The following SCLT1 variants were observed in gnomAD, a reference collection of about 807,000 sequenced individuals.
The protein encoded by SCLT1 is sodium channel-associated protein 1.
SCLT1 carries 78 observed loss-of-function variants against 112.8 expected under a neutral mutation model. That is an observed-to-expected ratio of 0.69 (90% CI 0.58 to 0.83). The LOEUF is 0.83. Ranked by LOEUF, SCLT1 falls within the 40% of genes least tolerant of loss-of-function variation. The pLI, the probability that SCLT1 is intolerant of heterozygous loss-of-function variation, is 0.00. For missense variants in SCLT1, 747 were observed against 770.4 expected, an observed-to-expected ratio of 0.97 and a Z score of 0.36; for synonymous variants, 257 against 254.7, an observed-to-expected ratio of 1.01 and a Z score of -0.09.
intron 5 of SCLT1, among the ~76,000 whole-genome samples, chr4:129,019,687 A>C (rs990859249): frequency 6.6e-6 from 1 of 151,802 alleles, no homozygotes; most frequent in Non-Finnish European, 1.5e-5. Flanking sequence ...ACCATTCTAG[A>C]CAACTGGCTG....
At position 129,029,489 on chromosome 4, in the gene SCLT1, G is replaced by T. The variant is rs182673955; in HGVS notation, c.290+9552C>A. Among the ~76,000 whole-genome samples the T allele has an allele frequency of 4.8e-3, 720 of 150,324 alleles. 6 individuals are homozygous for T. Among genetic ancestry groups the T allele is most frequent in the African/African-American group, 0.017 (681 of 40,718 alleles). On this transcript the variant is annotated intron_variant, in intron 5 of 20. Coordinates refer to ENST00000281142, the MANE Select transcript of SCLT1 (RefSeq NM_144643.4). ...GGGAATTGAACAATGAGAACACATG[G>T]ACACAGGAAGGGGACCATCACACAC...
At chr4:129,019,997 C>T (rs1020274306) in intron 5 of SCLT1, among the ~76,000 whole-genome samples, 11 of 152,076 alleles carry the variant, frequency 7.2e-5, no homozygotes, top group African/African-American at 9.7e-5. Context: ...TGCAGGAAAA[C>T]GTCAATTCCT....
chr4:129,033,392 C>A (rs554370745), intron 5 of SCLT1, among the ~76,000 whole-genome samples: 2 of 148,920 alleles, frequency 1.3e-5, no homozygotes, highest in South Asian at 2.1e-4. Flanking sequence ...CTAATGCATG[C>A]GGGGCTTAAA....
chr4:129,093,425 G>C lies in SCLT1; in HGVS notation c.-322C>G, dbSNP rs748277468. 3.0e-5 allele frequency: 10 copies of C among 335,088 alleles called. No homozygotes were observed. Among genetic ancestry groups the C allele is most frequent in the African/African-American group, 6.3e-5 (3 of 47,626 alleles). The allele number at this position is 335,088 out of a possible 1,614,324, so 20.8% of individuals were successfully genotyped here. ...CTCTGGGTCTCGTCGGGCCACCTAG[G>C]AGAGTGCCGCGGGAGCTTGACGGCA... On this transcript the variant is annotated 5_prime_UTR_variant, in exon 1 of 21. Coordinates refer to ENST00000281142, the MANE Select transcript of SCLT1 (RefSeq NM_144643.4).
At chr4:129,087,252 A>G (rs1201060495) in intron 1 of SCLT1, among the ~76,000 whole-genome samples, 2 of 152,226 alleles carry the variant, frequency 1.3e-5, no homozygotes, top group Non-Finnish European at 2.9e-5. Flanking sequence ...AATACAGAGT[A>G]CTGAATAGCT....
At chr4:128,880,149 G>T (rs1003722927), downstream of SCLT1, among the ~76,000 whole-genome samples, 1 of 152,128 alleles carries the variant, frequency 6.6e-6, no homozygotes, top group Admixed American at 6.5e-5. Context: ...CAGAAGGCTG[G>T]ATTTTTCTTG....
chr4:128,956,726 G>C (rs1459952624), intron 13 of SCLT1, among the ~76,000 whole-genome samples: 1 of 151,894 alleles, frequency 6.6e-6, no homozygotes, highest in African/African-American at 2.4e-5. Flanking sequence ...AGTTCACCTA[G>C]GAGAGAAATA....
chr4:129,058,357 A>G (rs1367270983), intron 2 of SCLT1, among the ~76,000 whole-genome samples: 1 of 151,842 alleles, frequency 6.6e-6, no homozygotes, highest in Non-Finnish European at 1.5e-5. Context: ...GTAGGCATTT[A>G]TTGTTATAAA....
chr4:129,026,629 T>C (rs377373245), intron 5 of SCLT1, among the ~76,000 whole-genome samples: 2,831 of 151,814 alleles, frequency 0.019, 81 homozygotes, highest in African/African-American at 0.057. Context: ...CCTAACATCA[T>C]AATTAAAAGA....
intron 5 of SCLT1, among the ~76,000 whole-genome samples, chr4:129,023,000 T>G (rs1745631577): frequency 6.6e-6 from 1 of 152,100 alleles, no homozygotes; most frequent in African/African-American, 2.4e-5. Context: ...TCCAACAATC[T>G]TAAAGAGAAT....
Position 128,952,828 on chromosome 4 carries a change from T to C in SCLT1, c.1159A>G (p.Lys387Glu). 6.4e-7 allele frequency: 1 copy of C among 1,551,804 alleles called. No homozygotes were observed. Among genetic ancestry groups the C allele is most frequent in the Non-Finnish European group, 8.9e-7 (1 of 1,123,400 alleles). The change falls in exon 14 of 21, where the codon AAA (lysine) becomes GAA (glutamate). Residue 387 changes from lysine (K) to glutamate (E), a missense_variant. Physicochemically the swap from Lys to Glu is moderately conservative, Grantham distance 56. This residue lies in a region of SCLT1 where 723 missense variants were observed against 721.3 expected (regional missense o/e 1.00). Transcript: ENST00000281142. ...GAAATTTGTATATTACATTGTTTTT[T>C]GGTGTTTGCAACCTGTAAATTAAGA... is the stretch of plus-strand genomic sequence containing the variant. ...IRTKKEVANTKKQCNIQISRL... is the reference protein window; with the variant it reads ...IRTKKEVANTEKQCNIQISRL...
chr4:128,959,527 C>A (rs1739502159), intron 12 of SCLT1, 73 bp downstream of exon 12: 1 of 1,059,586 alleles, frequency 9.4e-7, no homozygotes, highest in Non-Finnish European at 1.4e-6. Context: ...GCTATTGAAT[C>A]CCTTACTGTG....
intron 17 of SCLT1, among the ~76,000 whole-genome samples, chr4:128,942,463 C>T (rs138249135): frequency 6.6e-6 from 1 of 151,946 alleles, no homozygotes; most frequent in South Asian, 2.1e-4. Context: ...AGAGGATCAC[C>T]TTCCTATTAC....
At chr4:128,940,318 C>A (rs888028973) in intron 17 of SCLT1, among the ~76,000 whole-genome samples, 1 of 150,344 alleles carries the variant, frequency 6.7e-6, no homozygotes, top group Non-Finnish European at 1.5e-5. Context: ...AAAAAGAAAA[C>A]AAAACAAATA....
intron 13 of SCLT1, among the ~76,000 whole-genome samples, chr4:128,955,433 A>T (rs4975192): frequency 0.74 from 112,843 of 152,186 alleles, 42,997 homozygotes; most frequent in African/African-American, 0.93. Context: ...ACAAATTTTA[A>T]TTATTTGAGA....
intron 18 of SCLT1, among the ~76,000 whole-genome samples, chr4:128,931,323 G>A: frequency 6.6e-6 from 1 of 152,088 alleles, no homozygotes; most frequent in Non-Finnish European, 1.5e-5. Context: ...TCGACAGTAT[G>A]ACTAAAAAGG....
At chr4:128,909,326 C>T (rs560252588) in intron 18 of SCLT1, among the ~76,000 whole-genome samples, 1 of 152,242 alleles carries the variant, frequency 6.6e-6, no homozygotes, top group South Asian at 2.1e-4. Flanking sequence ...TCATACCTCA[C>T]TGCAGTCTTG....
At chr4:128,978,285 T>C (rs1406879446) in intron 9 of SCLT1, among the ~76,000 whole-genome samples, 1 of 152,060 alleles carries the variant, frequency 6.6e-6, no homozygotes, top group Non-Finnish European at 1.5e-5. Flanking sequence ...AGGTGTATAC[T>C]TGGAAAACAT....
rs536574352 is a variant in SCLT1, at chr4:128,959,478, A to G, written c.1047+122T>C. 2.6e-5 allele frequency: 18 copies of G among 695,512 alleles called. No individual in the cohort carries two copies. The African/African-American group carries it at 2.9e-4, about 11-fold the overall frequency. 43.1% of individuals were successfully genotyped at this position (695,512 alleles called of 1,614,324 possible). ...CCAAGAATATGGATGATTACTAATGAAAAGAGTAGCAATTTCATTTTCATG... is the reference window on the plus strand; with the variant it reads ...CCAAGAATATGGATGATTACTAATGGAAAGAGTAGCAATTTCATTTTCATG... On this transcript the variant is annotated intron_variant, in intron 12 of 20. Transcript: ENST00000281142.
Sources: gnomAD v4.1 joint callset for allele counts (sites outside exome capture counted in the v4.1 genomes callset) on GRCh38, gnomAD v4.1.1 for gene constraint, gnomAD v4.1.1 regional missense constraint, MANE v1.5 for transcripts, NCBI Gene and HGNC (gene_info 2026-07-23, HGNC 2026-07-21) for gene names.